The following CSMD3 variants were observed in gnomAD, a reference collection of about 807,000 sequenced individuals.
The protein encoded by CSMD3 is CUB and Sushi multiple domains 3.
A neutral mutation model predicts 435.2 loss-of-function variants in CSMD3; 177 were observed. The observed-to-expected ratio is 0.41, with a 90% CI of 0.36 to 0.46. The LOEUF (loss-of-function observed/expected upper bound fraction) is 0.46, where lower values mean the gene tolerates loss of function less well. Among genes scored for constraint, CSMD3 ranks in the 20% least tolerant of loss-of-function variants. The probability of loss-of-function intolerance (pLI) is 0.34; values close to 1 mark genes in which losing one functional copy is unlikely to be tolerated. For missense variants in CSMD3, 4,265 were observed against 4,504.6 expected (o/e 0.95, Z 1.52); for synonymous variants, 1,656 against 1,520.5 (o/e 1.09, Z -2.07).
chr8:113,097,134 C>A (rs955079389), intron 5 of CSMD3, among the ~76,000 whole-genome samples: 1 of 151,966 alleles, frequency 6.6e-6, no homozygotes, highest in Non-Finnish European at 1.5e-5. Context: ...TCAGCTTAGA[C>A]GCTATGACAG....
chr8:112,762,817 G>A (rs2077875183), intron 13 of CSMD3, among the ~76,000 whole-genome samples: 1 of 148,458 alleles, frequency 6.7e-6, no homozygotes, highest in Admixed American at 6.6e-5. Flanking sequence ...AGACAATACA[G>A]CATGATATCA....
At chr8:112,475,003 C>G (rs1426282737) in intron 31 of CSMD3, among the ~76,000 whole-genome samples, 1 of 152,124 alleles carries the variant, frequency 6.6e-6, no homozygotes, top group Admixed American at 6.6e-5. Context: ...TATTTCAGCA[C>G]TGATAACTTC....
chr8:112,398,375 G>A (rs1392499542), intron 35 of CSMD3, among the ~76,000 whole-genome samples: 2 of 152,132 alleles, frequency 1.3e-5, no homozygotes, highest in Admixed American at 6.5e-5. Context: ...GGTTCTCCCT[G>A]ACTAACATCA....
chr8:113,052,679 G>A (rs1239742384), intron 5 of CSMD3, among the ~76,000 whole-genome samples: 2 of 152,140 alleles, frequency 1.3e-5, no homozygotes, highest in Non-Finnish European at 2.9e-5. Context: ...CTACTTGGGA[G>A]GCTGAGGCAG....
rs561460830 is a variant in CSMD3, at chr8:113,061,340, G to A, written c.917+37416C>T. 2.0e-4 allele frequency among the ~76,000 whole-genome samples: 31 copies of A among 152,088 alleles called. No individual in the cohort carries two copies. The South Asian group carries it at 6.4e-3, about 32-fold the overall frequency. ...AATAGACTTTACTAGGGTTTCAGAG[G>A]AATTATTGTCCACATGAATACTAGA... On this transcript the variant is annotated intron_variant, in intron 5 of 70. Coordinates refer to ENST00000297405, the MANE Select transcript of CSMD3 (RefSeq NM_198123.2).
intron 13 of CSMD3, among the ~76,000 whole-genome samples, chr8:112,796,682 A>G (rs1055829555): frequency 1.3e-5 from 2 of 149,696 alleles, no homozygotes; most frequent in East Asian, 3.9e-4. Context: ...TAAAAACAAC[A>G]AAACAAAACT....
chr8:112,244,568 T>G lies in CSMD3; in HGVS notation c.10228A>C (p.Ser3410Arg). 1 of 1,613,650 alleles carries G rather than the reference T, an allele frequency of 6.2e-7. No individual in the cohort carries two copies. ...SGIQPECIPH[S>R]CKQPETPAHA... is the part of the protein sequence containing the mutation. ...GCAGGAGTTTCTGGCTGTTTACAGC[T>G]GTGGGCTATATTAAGAAAAGAGAAC... is the stretch of plus-strand genomic sequence containing the variant. The change falls in exon 65 of 71, where the codon AGC (serine) becomes CGC (arginine). Residue 3410 changes from serine (S) to arginine (R), a missense_variant. Ser to Arg is a moderately radical substitution (Grantham distance 110, BLOSUM62 -1). Coordinates refer to ENST00000297405, the MANE Select transcript of CSMD3 (RefSeq NM_198123.2).
intron 24 of CSMD3, among the ~76,000 whole-genome samples, chr8:112,569,584 A>G (rs555538696): frequency 6.6e-6 from 1 of 152,204 alleles, no homozygotes; most frequent in African/African-American, 2.4e-5. Flanking sequence ...TCTACCCAAA[A>G]CTGAAAATAA....
intron 13 of CSMD3, among the ~76,000 whole-genome samples, chr8:112,749,350 T>G (rs1411011537): frequency 6.6e-6 from 1 of 152,160 alleles, no homozygotes; most frequent in Non-Finnish European, 1.5e-5. Context: ...TTTAATTAGA[T>G]CCCATTTGAC....
In CSMD3 at chr8:112,256,358, T is replaced by C. The variant is rs554204591; in HGVS notation, c.9863-931A>G. ...AAGCCTGTATGTATGTGTGGTGGTG[T>C]GTGTTAGGAGGTGGGAGAAGATCTT... On this transcript the variant is annotated intron_variant, in intron 61 of 70. Transcript: ENST00000297405. 4.0e-5 allele frequency among the ~76,000 whole-genome samples: 6 copies of C among 151,842 alleles called. No homozygotes were observed. In the East Asian group the frequency reaches 7.7e-4, roughly 20 times the overall value.
intron 1 of CSMD3, among the ~76,000 whole-genome samples, chr8:113,378,643 G>A (rs1416711529): frequency 6.6e-6 from 1 of 152,178 alleles, no homozygotes; most frequent in Non-Finnish European, 1.5e-5. Context: ...GTATGAGAAT[G>A]TCTACGTGCA....
intron 4 of CSMD3, among the ~76,000 whole-genome samples, chr8:113,133,076 T>C (rs962725230): frequency 6.6e-6 from 1 of 152,004 alleles, no homozygotes; most frequent in African/African-American, 2.4e-5. Context: ...AATAGAACCA[T>C]GTCAAAATTA....
intron 10 of CSMD3, among the ~76,000 whole-genome samples, chr8:112,899,213 T>A (rs924962300): frequency 2.0e-5 from 3 of 151,044 alleles, no homozygotes; most frequent in Admixed American, 6.6e-5. Context: ...TGAACACTAA[T>A]CTTACAATTG....
intron 47 of CSMD3, among the ~76,000 whole-genome samples, chr8:112,314,978 C>T (rs1822330416): frequency 6.6e-6 from 1 of 151,748 alleles, no homozygotes; most frequent in South Asian, 2.1e-4. Context: ...CTTGCTTTAC[C>T]TCTTTCTTTC....
At chr8:112,918,020 C>T (rs1334485334) in intron 10 of CSMD3, among the ~76,000 whole-genome samples, 1 of 151,948 alleles carries the variant, frequency 6.6e-6, no homozygotes, top group Non-Finnish European at 1.5e-5. Flanking sequence ...AAATAATCTT[C>T]CTCATCTGAA....
intron 13 of CSMD3, among the ~76,000 whole-genome samples, chr8:112,756,603 A>G (rs2077704167): frequency 6.6e-6 from 1 of 152,198 alleles, no homozygotes; most frequent in South Asian, 2.1e-4. Context: ...TGCTTTTCTT[A>G]GAAAACAATC....
chr8:112,603,825 C>G (rs1429206963), intron 22 of CSMD3, among the ~76,000 whole-genome samples: 1 of 152,012 alleles, frequency 6.6e-6, no homozygotes, highest in Non-Finnish European at 1.5e-5. Context: ...CTAAATAGTT[C>G]AAACTTGTAT....
intron 28 of CSMD3, among the ~76,000 whole-genome samples, chr8:112,511,938 C>T (rs1445963138): frequency 2.6e-5 from 4 of 152,128 alleles, no homozygotes; most frequent in Non-Finnish European, 5.9e-5. Context: ...TTTTCCCATC[C>T]ATAAGAAGCA....
chr8:113,331,646 G>A (rs1007529353), intron 1 of CSMD3, among the ~76,000 whole-genome samples: 1 of 151,640 alleles, frequency 6.6e-6, no homozygotes, highest in East Asian at 1.9e-4. Context: ...ATCAATTAAT[G>A]TAAAAACATA....
Sources: allele counts gnomAD v4.1 joint callset (sites outside exome capture counted in the v4.1 genomes callset), GRCh38; gene constraint gnomAD v4.1.1; transcripts MANE v1.5; gene names NCBI Gene and HGNC (gene_info 2026-07-23, HGNC 2026-07-21).